SDHA: variants seen among roughly 807,000 people sequenced by gnomAD.
SDHA encodes succinate dehydrogenase complex flavoprotein subunit A.
A neutral mutation model predicts 78.4 loss-of-function variants in SDHA; 48 were observed. The ratio of observed to expected loss-of-function variants is 0.61; its 90% confidence interval spans 0.49 to 0.78. The LOEUF (loss-of-function observed/expected upper bound fraction) is 0.78, where lower values mean the gene tolerates loss of function less well. SDHA is among the 30% of genes least tolerant of loss of function. The pLI, the probability that SDHA is intolerant of heterozygous loss-of-function variation, is 0.00. For missense variants in SDHA, 680 were observed against 892.7 expected (o/e 0.76, Z 3.04); for synonymous variants, 326 against 353.9 (o/e 0.92, Z 0.88).
intron 14 of SDHA, among the ~76,000 whole-genome samples, chr5:255,076 G>A (rs1413056709): frequency 2.1e-4 from 31 of 144,606 alleles, no homozygotes; most frequent in African/African-American, 7.7e-4. Flanking sequence ...TGTGGTAGGG[G>A]GTCGCAGCCT....
intron 11 of SDHA, among the ~76,000 whole-genome samples, chr5:245,028 A>G (rs1438518892): frequency 6.6e-6 from 1 of 152,228 alleles, no homozygotes; most frequent in Non-Finnish European, 1.5e-5. Flanking sequence ...AGCTTCCAGA[A>G]CCTATACCTT....
At chr5:225,820 T>G in intron 4 of SDHA, 63 bp from the exon 5 acceptor site, 1 of 1,588,000 alleles carries the variant, frequency 6.3e-7, no homozygotes, top group South Asian at 1.1e-5. Flanking sequence ...TAGTGTAGAT[T>G]AGCTGCGAAT....
At chr5:223,623 G>A in intron 2 of SDHA, 55 bp downstream of exon 2, 1 of 1,340,166 alleles carries the variant, frequency 7.5e-7, no homozygotes, top group Non-Finnish European at 1.1e-6. Flanking sequence ...TAGGGGGTAA[G>A]GATCTATACC....
chr5:256,449 A>G lies in SDHA; in HGVS notation c.*29A>G, dbSNP rs754600486. 4 of 1,552,838 alleles carry G rather than the reference A, an allele frequency of 2.6e-6. No homozygotes were observed. Among genetic ancestry groups the G allele is most frequent in the Admixed American group, 3.3e-5 (2 of 59,914 alleles). On this transcript the variant is annotated 3_prime_UTR_variant, in exon 15 of 15. Transcript: ENST00000264932. Reference sequence around the variant, plus strand: ...GACAAGATGTGGTGATGACAGAATCAGCTTTTGTAATTATGTATAATAGCT... The same window carrying G: ...GACAAGATGTGGTGATGACAGAATCGGCTTTTGTAATTATGTATAATAGCT...
At chr5:268,329 C>T in the SDHA span, among the ~76,000 whole-genome samples, 6 of 151,910 alleles carry the variant, frequency 3.9e-5, no homozygotes, top group Admixed American at 1.3e-4. Context: ...ATTACAGGCA[C>T]CTGCCACCAC....
intron 10 of SDHA, among the ~76,000 whole-genome samples, chr5:240,062 C>T (rs955375060): frequency 3.0e-4 from 46 of 152,216 alleles, no homozygotes; most frequent in Admixed American, 7.2e-4. Context: ...AGCCACCGCA[C>T]CCGGCCTACA....
rs1393298155 is a variant in SDHA, at chr5:225,998, G to A, written c.572G>A (p.Cys191Tyr). Residue 191 changes from cysteine to tyrosine, a missense_variant, in exon 5 of 15, where the codon TGT becomes TAT. Physicochemically the swap from Cys to Tyr is radical, Grantham distance 194 (BLOSUM62 -2). Coordinates refer to ENST00000264932, the MANE Select transcript of SDHA (RefSeq NM_004168.4). The stretch of plus-strand genomic sequence containing the variant: ...GGCGGGCAGGCCCATCGGTGCTGCT[G>A]TGTGGCTGATCGGACTGGCCACTCG... ...GKGGQAHRCC[C>Y]VADRTGHSLL... 4 of 1,614,096 alleles carry A rather than the reference G, an allele frequency of 2.5e-6. No individual in the cohort carries two copies. In the Admixed American group the frequency reaches 6.7e-5, roughly 27 times the overall value.
chr5:253,698 G>T (rs9687155), intron 13 of SDHA, among the ~76,000 whole-genome samples: 1 of 152,002 alleles, frequency 6.6e-6, no homozygotes, highest in Non-Finnish European at 1.5e-5. Context: ...GCCTCCCAAA[G>T]TGCTAGGGTT....
rs2126645697 is a variant in SDHA at position 256,330 on chromosome 5, C to T, written c.1909-4C>T. 1.2e-6 allele frequency: 2 copies of T among 1,611,766 alleles called. No individual in the cohort carries two copies. Among genetic ancestry groups the T allele is most frequent in the Non-Finnish European group, 1.7e-6 (2 of 1,177,934 alleles). On this transcript the variant is annotated splice_polypyrimidine_tract_variant and splice_region_variant and intron_variant, in intron 14 of 14. Transcript: ENST00000264932. ...TTAACTTACCACTGACTCTTCTTTT[C>T]AAGGTCACTCTGGAATATAGACCCG...
In SDHA at chr5:256,823, C is replaced by CTTTTTTT. The variant is rs758468864; in HGVS notation, c.*407_*408insTTTTTTT. On this transcript the variant is annotated 3_prime_UTR_variant, in exon 15 of 15. Transcript: ENST00000264932. The stretch of plus-strand genomic sequence containing the variant: ...TTTGTATAGTTTCTTTTTTCTTTTT[C>CTTTTTTT]TTTTCTTTTTTTTTTTTGAGACAGG... 38 of 227,796 alleles carry CTTTTTTT rather than the reference C, an allele frequency of 1.7e-4. 6 individuals carry two copies. Among genetic ancestry groups the CTTTTTTT allele is most frequent in the Admixed American group, 2.3e-4 (4 of 17,578 alleles). 14.1% of individuals were successfully genotyped at this position (227,796 alleles called of 1,614,324 possible).
intron 13 of SDHA, among the ~76,000 whole-genome samples, chr5:252,263 C>T (rs1192154416): frequency 1.5e-5 from 2 of 129,516 alleles, no homozygotes; most frequent in South Asian, 2.3e-4. Flanking sequence ...TTCAAGCCTG[C>T]CCTGTGGAGG....
chr5:244,781 T>A (rs1321223574), intron 11 of SDHA, among the ~76,000 whole-genome samples: 1 of 152,032 alleles, frequency 6.6e-6, no homozygotes, highest in Admixed American at 6.6e-5. Flanking sequence ...GACTATTCAA[T>A]GATAACTTCT....
At chr5:226,946 A>G (rs1007912619) in intron 5 of SDHA, among the ~76,000 whole-genome samples, 4 of 151,544 alleles carry the variant, frequency 2.6e-5, no homozygotes, top group African/African-American at 4.8e-5. Context: ...AAAAAAAAAA[A>G]AGAACAAGTA....
Position 235,687 on chromosome 5 carries a change from C to T in SDHA, c.1260+348C>T, listed in dbSNP as rs1371236151. Reference sequence around the variant, plus strand: ...TGGTTCACACAGAGCTTGTCAGTCACTTAGGCTCCTTGTTGGGCGAGGTGG... The same window carrying T: ...TGGTTCACACAGAGCTTGTCAGTCATTTAGGCTCCTTGTTGGGCGAGGTGG... On this transcript the variant is annotated intron_variant, in intron 9 of 14. Transcript: ENST00000264932. 1.6e-5 allele frequency: 6 copies of T among 368,626 alleles called. No individual in the cohort carries two copies. In the East Asian group the frequency reaches 4.2e-4, roughly 26 times the overall value. 22.8% of individuals were successfully genotyped at this position (368,626 alleles called of 1,614,324 possible).
downstream of SDHA, among the ~76,000 whole-genome samples, chr5:257,672 A>G (rs867199334): frequency 5.2e-5 from 4 of 76,702 alleles, no homozygotes; most frequent in African/African-American, 1.7e-4. Context: ...GGTGAGCTCC[A>G]CCCCCTGCCA....
intron 1 of SDHA, among the ~76,000 whole-genome samples, chr5:222,401 G>A (rs1449147465): frequency 6.7e-6 from 1 of 148,766 alleles, no homozygotes; most frequent in African/African-American, 2.5e-5. Flanking sequence ...AGGCCGGAGT[G>A]CAGTGGCACA....
intron 8 of SDHA, 80 bp from the exon 9 acceptor site, chr5:235,064 C>T (rs1735676463): frequency 5.1e-6 from 7 of 1,384,934 alleles, no homozygotes; most frequent in Middle Eastern, 1.8e-4. Context: ...TTGAAACTCA[C>T]ACACTTCCAA....
intron 1 of SDHA, 59 bp from the exon 2 acceptor site, chr5:223,423 C>A (rs1289842924): frequency 1.7e-6 from 2 of 1,197,114 alleles, no homozygotes; most frequent in African/African-American, 3.0e-5. Flanking sequence ...TACTATCCCC[C>A]ACAGCATTTG....
chr5:252,657 G>A (rs1212675863), intron 13 of SDHA, among the ~76,000 whole-genome samples: 1 of 150,348 alleles, frequency 6.7e-6, no homozygotes, highest in Non-Finnish European at 1.5e-5. Flanking sequence ...CTGCCCTGTG[G>A]AGGAAGTGCC....
Sources: gnomAD v4.1 joint callset for allele counts (sites outside exome capture counted in the v4.1 genomes callset) on GRCh38, gnomAD v4.1.1 for gene constraint, MANE v1.5 for transcripts, NCBI Gene and HGNC (gene_info 2026-07-23, HGNC 2026-07-21) for gene names.